SIPA1L1: variants seen among roughly 807,000 people sequenced by gnomAD.
SIPA1L1 encodes the protein signal induced proliferation associated 1 like 1.
In SIPA1L1, 26 loss-of-function variants were observed where a neutral mutation model predicts 162.7. The ratio of observed to expected loss-of-function variants is 0.16; its 90% CI spans 0.12 to 0.22. The LOEUF is 0.22. Ranked by LOEUF, SIPA1L1 falls within the 10% of genes least tolerant of loss-of-function variation. The pLI is 1.00. For synonymous variants in SIPA1L1, 829 were observed against 837.4 expected (o/e 0.99, Z 0.17); for missense variants, 1,874 against 2,241.0 (o/e 0.84, Z 3.31).
chr14:71,603,963 A>T, intron 5 of SIPA1L1, among the ~76,000 whole-genome samples: 1 of 144,984 alleles, frequency 6.9e-6, no homozygotes, highest in South Asian at 2.1e-4. Context: ...ATATATATTT[A>T]TATATAGATA....
chr14:71,599,068 A>G (rs2036397139), intron 5 of SIPA1L1, among the ~76,000 whole-genome samples: 1 of 150,116 alleles, frequency 6.7e-6, no homozygotes, highest in African/African-American at 2.5e-5. Context: ...ATTTGTCTTT[A>G]TGTGCCTTGC....
At chr14:71,652,593 C>T (rs1395885533) in intron 8 of SIPA1L1, among the ~76,000 whole-genome samples, 1 of 151,612 alleles carries the variant, frequency 6.6e-6, no homozygotes, top group Non-Finnish European at 1.5e-5. Context: ...TTATATCACT[C>T]ACTGGTGTAC....
At chr14:71,519,200 G>A (rs2052048330) in intron 3 of SIPA1L1, among the ~76,000 whole-genome samples, 1 of 152,112 alleles carries the variant, frequency 6.6e-6, no homozygotes, top group South Asian at 2.1e-4. Flanking sequence ...GGAGGCTGTG[G>A]TGGGAGGATC....
intron 4 of SIPA1L1, among the ~76,000 whole-genome samples, chr14:71,541,634 A>G (rs769375828): frequency 6.6e-6 from 1 of 152,052 alleles, no homozygotes; most frequent in African/African-American, 2.4e-5. Context: ...TTAGCCGGGC[A>G]TGTTGGCACA....
intron 2 of SIPA1L1, among the ~76,000 whole-genome samples, chr14:71,359,657 T>C (rs2037611776): frequency 6.6e-6 from 1 of 152,206 alleles, no homozygotes; most frequent in Admixed American, 6.5e-5. Flanking sequence ...GTCCTACTGG[T>C]TGTTTTTTTA....
At chr14:71,679,803 C>T (rs2149485779) in intron 12 of SIPA1L1, among the ~76,000 whole-genome samples, 1 of 152,150 alleles carries the variant, frequency 6.6e-6, no homozygotes, top group South Asian at 2.1e-4. Flanking sequence ...ATAAAACAGA[C>T]TTTAAACCAA....
chr14:71,732,232 G>A (rs942049771), intron 20 of SIPA1L1, among the ~76,000 whole-genome samples: 6 of 152,124 alleles, frequency 3.9e-5, no homozygotes, highest in Non-Finnish European at 7.4e-5. Context: ...CTGGCTTACC[G>A]GGCTGTCATA....
At chr14:71,561,154 A>G (rs1041059030) in intron 4 of SIPA1L1, among the ~76,000 whole-genome samples, 3 of 152,218 alleles carry the variant, frequency 2.0e-5, no homozygotes, top group African/African-American at 4.8e-5. Context: ...GGCAATGATC[A>G]TCATATATAT....
At chr14:71,410,005 T>A (rs2042295513) in intron 2 of SIPA1L1, among the ~76,000 whole-genome samples, 1 of 152,216 alleles carries the variant, frequency 6.6e-6, no homozygotes, top group African/African-American at 2.4e-5. Flanking sequence ...TCTTTCGGTA[T>A]GCTGTTTTTT....
At chr14:71,383,630 G>A (rs762425462) in intron 2 of SIPA1L1, among the ~76,000 whole-genome samples, 4 of 152,152 alleles carry the variant, frequency 2.6e-5, no homozygotes, top group Non-Finnish European at 5.9e-5. Flanking sequence ...TCCTGGCGAG[G>A]GCCTCTGGAA....
chr14:71,460,271 A>G (rs2046495466), intron 2 of SIPA1L1, among the ~76,000 whole-genome samples: 1 of 152,158 alleles, frequency 6.6e-6, no homozygotes, highest in Non-Finnish European at 1.5e-5. Context: ...CAAGCATGTC[A>G]GCGGGTCGTG....
chr14:71,734,358 C>T (rs1377698942), intron 21 of SIPA1L1, among the ~76,000 whole-genome samples: 1 of 152,204 alleles, frequency 6.6e-6, no homozygotes, highest in Non-Finnish European at 1.5e-5. Flanking sequence ...ATCTTGCCTG[C>T]TGTAATGAAA....
intron 2 of SIPA1L1, among the ~76,000 whole-genome samples, chr14:71,381,417 A>G (rs1172656465): frequency 6.6e-6 from 1 of 152,186 alleles, no homozygotes; most frequent in East Asian, 1.9e-4. Flanking sequence ...GTATATTTGA[A>G]AGAAGCTAGA....
intron 17 of SIPA1L1, among the ~76,000 whole-genome samples, chr14:71,719,172 C>G (rs1466271885): frequency 6.6e-6 from 1 of 152,080 alleles, no homozygotes; most frequent in East Asian, 1.9e-4. Flanking sequence ...CTCCTGAGCT[C>G]AAGTAATCTG....
chr14:71,525,150 T>C (rs1315080914), intron 3 of SIPA1L1, among the ~76,000 whole-genome samples: 1 of 150,624 alleles, frequency 6.6e-6, no homozygotes, highest in East Asian at 1.9e-4. Context: ...ATTTTTGTAT[T>C]TTTTGTAGAG....
intron 2 of SIPA1L1, among the ~76,000 whole-genome samples, chr14:71,500,483 T>TC (rs2050119719): frequency 6.6e-6 from 1 of 152,210 alleles, no homozygotes; most frequent in Non-Finnish European, 1.5e-5. Context: ...AAAAGATAAC[T>TC]CCAAGTGTAG....
chr14:71,638,513 A>G (rs570434191), intron 7 of SIPA1L1, among the ~76,000 whole-genome samples: 1 of 152,368 alleles, frequency 6.6e-6, no homozygotes, highest in South Asian at 2.1e-4. Flanking sequence ...AACTAGTAAT[A>G]CAGAGGAACT....
chr14:71,636,947 A>G (rs2041206062), intron 7 of SIPA1L1, among the ~76,000 whole-genome samples: 1 of 151,388 alleles, frequency 6.6e-6, no homozygotes, highest in Admixed American at 6.6e-5. Context: ...GCTACTCAAG[A>G]GGCTGAGGCA....
intron 4 of SIPA1L1, among the ~76,000 whole-genome samples, chr14:71,578,891 C>T (rs539257863): frequency 1.6e-4 from 25 of 152,096 alleles, no homozygotes; most frequent in Non-Finnish European, 2.8e-4. Flanking sequence ...TTTTACTAAG[C>T]GTGAAAAATA....
Sources: allele counts gnomAD v4.1 joint callset (sites outside exome capture counted in the v4.1 genomes callset), GRCh38; gene constraint gnomAD v4.1.1; transcripts MANE v1.5; gene names NCBI Gene and HGNC (gene_info 2026-07-23, HGNC 2026-07-21).